FHIT: variants seen among roughly 807,000 people sequenced by gnomAD.
The protein encoded by FHIT is bis(5'-adenosyl)-triphosphatase.
In FHIT, 19 loss-of-function variants were observed where a neutral mutation model predicts 17.9. That is an observed-to-expected ratio of 1.06 (90% confidence interval 0.74 to 1.56). FHIT has a LOEUF of 1.56. FHIT is among the 40% of genes most tolerant of loss of function. The pLI is 0.00. For synonymous variants in FHIT, 81 were observed against 69.7 expected, an observed-to-expected ratio of 1.16 and a Z score of -0.81; for missense variants, 248 against 189.2, an observed-to-expected ratio of 1.31 and a Z score of -1.82.
At chr3:59,833,062 A>G (rs1342366981) in intron 8 of FHIT, among the ~76,000 whole-genome samples, 2 of 152,168 alleles carry the variant, frequency 1.3e-5, no homozygotes, top group Admixed American at 1.3e-4. Flanking sequence ...TTTTGCAATG[A>G]TATCTGAGCA....
At chr3:60,624,942 C>G (rs1226547191) in intron 4 of FHIT, among the ~76,000 whole-genome samples, 1 of 150,992 alleles carries the variant, frequency 6.6e-6, no homozygotes. Context: ...ACAGTCTTGC[C>G]CTGTTGCTCA....
At chr3:60,566,374 T>A (rs1436375703) in intron 4 of FHIT, among the ~76,000 whole-genome samples, 1 of 152,060 alleles carries the variant, frequency 6.6e-6, no homozygotes, top group African/African-American at 2.4e-5. Context: ...ATTATCTCAA[T>A]AGATGCAGAA....
chr3:60,663,125 T>C (rs2040297503), intron 4 of FHIT, among the ~76,000 whole-genome samples: 1 of 130,374 alleles, frequency 7.7e-6, no homozygotes, highest in South Asian at 2.3e-4. Context: ...TTGATTACTA[T>C]AGCTATATAG....
chr3:60,774,622 C>T (rs1700158942), intron 4 of FHIT, among the ~76,000 whole-genome samples: 1 of 152,100 alleles, frequency 6.6e-6, no homozygotes, highest in Non-Finnish European at 1.5e-5. Context: ...ATAAATTAGG[C>T]ACAGTTAGAG....
chr3:60,736,937 A>T (rs1316362455), intron 4 of FHIT, among the ~76,000 whole-genome samples: 1 of 152,234 alleles, frequency 6.6e-6, no homozygotes, highest in African/African-American at 2.4e-5. Flanking sequence ...CAATCCATAC[A>T]AATGCAAAGG....
intron 3 of FHIT, among the ~76,000 whole-genome samples, chr3:60,948,678 T>G (rs1708741206): frequency 6.6e-6 from 1 of 152,112 alleles, no homozygotes; most frequent in African/African-American, 2.4e-5. Context: ...CCAACTCTAT[T>G]CACAAGCCCC....
At chr3:60,057,936 C>T (rs1472095784) in intron 5 of FHIT, among the ~76,000 whole-genome samples, 4 of 151,552 alleles carry the variant, frequency 2.6e-5, no homozygotes, top group Non-Finnish European at 4.4e-5. Flanking sequence ...ATCTCAGTGA[C>T]TGGTTTTCTG....
At chr3:60,513,819 A>G (rs565516866) in intron 5 of FHIT, among the ~76,000 whole-genome samples, 5 of 152,146 alleles carry the variant, frequency 3.3e-5, no homozygotes, top group Admixed American at 6.6e-5. Flanking sequence ...TGCCTTTTCC[A>G]AAACCACTCT....
At chr3:60,470,915 C>T (rs987143671) in intron 5 of FHIT, among the ~76,000 whole-genome samples, 2 of 152,126 alleles carry the variant, frequency 1.3e-5, no homozygotes, top group African/African-American at 2.4e-5. Context: ...CAGTGCTCTT[C>T]GGTTAGCAGG....
In FHIT at chr3:60,545,775, C is replaced by G. The variant is rs549720491; in HGVS notation, c.-17-8796G>C. 3.9e-5 allele frequency among the ~76,000 whole-genome samples: 6 copies of G among 152,290 alleles called. No homozygotes were observed. In the South Asian group the frequency reaches 1.2e-3, roughly 32 times the overall value. ...ACTCATTGAAAGTTGAAGCTTGTGTCTAATCCACATGCCCTCTGAAATAAA... is the reference window on the plus strand; with the variant it reads ...ACTCATTGAAAGTTGAAGCTTGTGTGTAATCCACATGCCCTCTGAAATAAA... On this transcript the variant is annotated intron_variant, in intron 4 of 9. Coordinates refer to ENST00000492590, the MANE Select transcript of FHIT (RefSeq NM_002012.4).
In FHIT at chr3:60,575,455, G is replaced by C. The variant is rs377201983; in HGVS notation, c.-17-38476C>G. On this transcript the variant is annotated intron_variant, in intron 4 of 9. Transcript: ENST00000492590. ...GGTTGGAATGTCCAGAAGGACTGTA[G>C]TGGACTGGAACTCATGGAAGGGAGA... 3.3e-5 allele frequency among the ~76,000 whole-genome samples: 5 copies of C among 152,266 alleles called. No homozygotes were observed. The East Asian group carries it at 7.7e-4, about 24-fold the overall frequency.
At chr3:60,251,721 G>A (rs1260419517) in intron 5 of FHIT, among the ~76,000 whole-genome samples, 2 of 152,036 alleles carry the variant, frequency 1.3e-5, no homozygotes, top group African/African-American at 2.4e-5. Flanking sequence ...TCCAGCGTGT[G>A]GGCCACTGCT....
intron 5 of FHIT, among the ~76,000 whole-genome samples, chr3:60,059,931 T>A (rs1702232971): frequency 6.6e-6 from 1 of 152,206 alleles, no homozygotes; most frequent in Non-Finnish European, 1.5e-5. Flanking sequence ...TCATGTGTCA[T>A]CCATAGAGGG....
At chr3:60,588,326 T>G (rs2037971458) in intron 4 of FHIT, among the ~76,000 whole-genome samples, 1 of 152,050 alleles carries the variant, frequency 6.6e-6, no homozygotes, top group African/African-American at 2.4e-5. Flanking sequence ...CTTTAAAATA[T>G]ATATCTTCAA....
intron 4 of FHIT, among the ~76,000 whole-genome samples, chr3:60,593,282 G>C (rs2038152184): frequency 6.6e-6 from 1 of 152,014 alleles, no homozygotes; most frequent in Non-Finnish European, 1.5e-5. Context: ...CAACTAGCCT[G>C]CAAAAAAGTA....
intron 5 of FHIT, among the ~76,000 whole-genome samples, chr3:60,180,625 AT>A (rs1701887279): frequency 1.3e-5 from 2 of 152,188 alleles, no homozygotes; most frequent in African/African-American, 4.8e-5. Flanking sequence ...TAAAATGTAC[AT>A]TTTATATTTT....
chr3:60,132,109 A>G (rs535773740), intron 5 of FHIT, among the ~76,000 whole-genome samples: 1 of 152,318 alleles, frequency 6.6e-6, no homozygotes, highest in Admixed American at 6.5e-5. Context: ...AGGCTGAGAC[A>G]GAACCCTCCT....
At chr3:59,917,639 T>C (rs1286189938) in intron 8 of FHIT, among the ~76,000 whole-genome samples, 3 of 152,178 alleles carry the variant, frequency 2.0e-5, no homozygotes, top group East Asian at 3.9e-4. Flanking sequence ...ATAAATAAGA[T>C]CTGCATAGAC....
chr3:60,482,601 C>T (rs796707969), intron 5 of FHIT, among the ~76,000 whole-genome samples: 54 of 152,062 alleles, frequency 3.6e-4, no homozygotes, highest in African/African-American at 1.1e-3. Context: ...GGAATTAAGG[C>T]GGAAATCAAG....
Sources: gnomAD v4.1 joint callset for allele counts (sites outside exome capture counted in the v4.1 genomes callset) on GRCh38, gnomAD v4.1.1 for gene constraint, MANE v1.5 for transcripts, NCBI Gene and HGNC (gene_info 2026-07-23, HGNC 2026-07-21) for gene names.